Variants in COMMD10 observed in about 807,000 individuals in gnomAD.
COMMD10 encodes COMM domain-containing protein 10.
In COMMD10, 33 loss-of-function variants were observed where a neutral mutation model predicts 28.9. The observed-to-expected ratio is 1.14, with a 90% CI of 0.87 to 1.53. The LOEUF is 1.53. Among genes scored for constraint, COMMD10 ranks in the 40% most tolerant of loss-of-function variants. COMMD10 has a pLI of 0.00. For missense variants in COMMD10, 310 were observed against 233.4 expected, an observed-to-expected ratio of 1.33 and a Z score of -2.14; for synonymous variants, 110 against 81.7, an observed-to-expected ratio of 1.35 and a Z score of -1.87.
At position 116,212,160 on chromosome 5, in the gene COMMD10, T is replaced by C. The variant is rs1439536360; in HGVS notation, c.510+77982T>C. 3.3e-5 allele frequency among the ~76,000 whole-genome samples: 5 copies of C among 152,166 alleles called. No individual in the cohort carries two copies. In the East Asian group the frequency reaches 7.7e-4, roughly 23 times the overall value. On this transcript the variant is annotated intron_variant, in intron 5 of 6. Transcript: ENST00000274458. ...TTCTGTTCCTCCTTTCAAAAGTTGATTTAATTCATAATGTAACTTAGCGTA... is the reference window on the plus strand; with the variant it reads ...TTCTGTTCCTCCTTTCAAAAGTTGACTTAATTCATAATGTAACTTAGCGTA...
At chr5:116,271,608 G>A (rs1750759606) in intron 5 of COMMD10, among the ~76,000 whole-genome samples, 1 of 151,660 alleles carries the variant, frequency 6.6e-6, no homozygotes, top group African/African-American at 2.4e-5. Flanking sequence ...CAACATTTAA[G>A]AAGGCATTAG....
intron 4 of COMMD10, among the ~76,000 whole-genome samples, chr5:116,100,608 T>C (rs1750629015): frequency 6.6e-6 from 1 of 151,794 alleles, no homozygotes; most frequent in Non-Finnish European, 1.5e-5. Context: ...GGTGCCCTTG[T>C]CAAAGACTGG....
At chr5:116,267,068 T>A (rs573191708) in intron 5 of COMMD10, among the ~76,000 whole-genome samples, 58 of 151,760 alleles carry the variant, frequency 3.8e-4, no homozygotes, top group Non-Finnish European at 4.0e-4. Flanking sequence ...ACCACTCCTA[T>A]TCAACATAGT....
chr5:116,093,951 T>A (rs1017229555), intron 4 of COMMD10, among the ~76,000 whole-genome samples: 2 of 152,130 alleles, frequency 1.3e-5, no homozygotes, highest in African/African-American at 4.8e-5. Flanking sequence ...TAATAAATGG[T>A]GCTAGGAAAA....
At chr5:116,116,920 C>G (rs1257665660) in intron 4 of COMMD10, among the ~76,000 whole-genome samples, 1 of 152,086 alleles carries the variant, frequency 6.6e-6, no homozygotes, top group Non-Finnish European at 1.5e-5. Flanking sequence ...ATTATGATAC[C>G]TAACAAAGTA....
At chr5:116,220,486 G>C (rs1749222126) in intron 5 of COMMD10, among the ~76,000 whole-genome samples, 1 of 152,006 alleles carries the variant, frequency 6.6e-6, no homozygotes, top group Non-Finnish European at 1.5e-5. Flanking sequence ...GAGTGTTAGG[G>C]GATGGAAGGG....
chr5:116,190,745 T>A (rs1748342831), intron 5 of COMMD10, among the ~76,000 whole-genome samples: 1 of 152,216 alleles, frequency 6.6e-6, no homozygotes, highest in Non-Finnish European at 1.5e-5. Flanking sequence ...CTAACAACTT[T>A]AAGCTGAAAT....
chr5:116,160,777 T>C (rs966673053), intron 5 of COMMD10, among the ~76,000 whole-genome samples: 13 of 152,188 alleles, frequency 8.5e-5, no homozygotes, highest in African/African-American at 3.1e-4. Context: ...ACATGCATTC[T>C]CTGTAATGAA....
chr5:116,226,196 T>C (rs950828308), intron 5 of COMMD10, among the ~76,000 whole-genome samples: 3 of 152,072 alleles, frequency 2.0e-5, no homozygotes, highest in African/African-American at 7.2e-5. Context: ...TTGTTTGCTT[T>C]AATCTAGTAT....
chr5:116,180,548 A>G (rs1481160502), intron 5 of COMMD10, among the ~76,000 whole-genome samples: 1 of 152,090 alleles, frequency 6.6e-6, no homozygotes, highest in African/African-American at 2.4e-5. Flanking sequence ...CCTAGACAAT[A>G]CAATTTATTG....
rs904965436 is a variant in COMMD10 at position 116,164,225 on chromosome 5, G to A, written c.510+30047G>A. Among the ~76,000 whole-genome samples, 16 of 152,238 alleles carry A rather than the reference G, an allele frequency of 1.1e-4. No homozygotes were observed. The East Asian group carries it at 2.5e-3, about 24-fold the overall frequency. On this transcript the variant is annotated intron_variant, in intron 5 of 6. Transcript: ENST00000274458. The stretch of plus-strand genomic sequence containing the variant: ...AATCCCAGCTACCCAGGAGGCTGAG[G>A]CAGGAGAACTGCTTGAACCCAGGAG...
chr5:116,112,997 G>A (rs2112739629), intron 4 of COMMD10, among the ~76,000 whole-genome samples: 1 of 152,264 alleles, frequency 6.6e-6, no homozygotes, highest in African/African-American at 2.4e-5. Context: ...AGCATTTCCT[G>A]TAGGACTGGT....
intron 5 of COMMD10, among the ~76,000 whole-genome samples, chr5:116,151,706 C>T (rs1489104953): frequency 6.6e-6 from 1 of 151,848 alleles, no homozygotes; most frequent in Non-Finnish European, 1.5e-5. Context: ...TGGTGATATC[C>T]CCTTTATCAT....
chr5:116,174,710 T>C (rs1408892682), intron 5 of COMMD10, among the ~76,000 whole-genome samples: 1 of 152,162 alleles, frequency 6.6e-6, no homozygotes, highest in Admixed American at 6.6e-5. Flanking sequence ...CCTGGATAAC[T>C]TGTGTCTCTC....
In COMMD10 at chr5:116,266,093, A is replaced by T. The variant is rs569991467; in HGVS notation, c.511-25424A>T. ...AAGTGTTTTAGCTGACCCTTAAAAA[A>T]GCGGCAGGATTTTGTCAAGTGAAGT... On this transcript the variant is annotated intron_variant, in intron 5 of 6. Coordinates refer to ENST00000274458, the MANE Select transcript of COMMD10 (RefSeq NM_016144.4). Among the ~76,000 whole-genome samples the T allele has an allele frequency of 2.3e-3, 350 of 151,818 alleles. 2 individuals are homozygous for T. Among genetic ancestry groups the T allele is most frequent in the Non-Finnish European group, 3.9e-3 (265 of 67,952 alleles).
chr5:116,220,366 TGTCACAGTAGATGACTGAGAGGTG>T (rs1429123856), intron 5 of COMMD10, among the ~76,000 whole-genome samples: 17 of 152,320 alleles, frequency 1.1e-4, no homozygotes, highest in Admixed American at 2.0e-4. Context: ...CCCTAGAGAA[TGTCACAGTAGATGACTGAGAGGTG>T]ATCATGTTTA....
chr5:116,216,564 G>A (rs1031887874), intron 5 of COMMD10, among the ~76,000 whole-genome samples: 4 of 152,080 alleles, frequency 2.6e-5, no homozygotes, highest in African/African-American at 9.7e-5. Context: ...ACGGAGTCTT[G>A]CTCTGTCACC....
intron 5 of COMMD10, among the ~76,000 whole-genome samples, chr5:116,166,431 A>G (rs1341636338): frequency 6.6e-6 from 1 of 152,166 alleles, no homozygotes; most frequent in Non-Finnish European, 1.5e-5. Flanking sequence ...CATGTAATGC[A>G]TTGAAATAAA....
At chr5:116,231,764 G>C (rs1300550677) in intron 5 of COMMD10, among the ~76,000 whole-genome samples, 1 of 151,634 alleles carries the variant, frequency 6.6e-6, no homozygotes, top group East Asian at 1.9e-4. Flanking sequence ...ACTGTTATTG[G>C]CTACTTAAAA....
Sources: gnomAD v4.1 joint callset for allele counts (sites outside exome capture counted in the v4.1 genomes callset) on GRCh38, gnomAD v4.1.1 for gene constraint, MANE v1.5 for transcripts, NCBI Gene and HGNC (gene_info 2026-07-23, HGNC 2026-07-21) for gene names.